The following RIC3 variants were observed in gnomAD, a reference collection of about 807,000 sequenced individuals.
RIC3 encodes the protein RIC3 acetylcholine receptor chaperone, also known as protein RIC-3.
RIC3 carries 28 observed loss-of-function variants against 27.3 expected under a neutral mutation model. The observed-to-expected ratio is 1.02, with a 90% CI of 0.76 to 1.41. The LOEUF (loss-of-function observed/expected upper bound fraction) is 1.41, where lower values mean the gene tolerates loss of function less well. RIC3 is among the 40% of genes most tolerant of loss of function. The pLI is 0.00. For missense variants in RIC3, 501 were observed against 444.7 expected, an observed-to-expected ratio of 1.13 and a Z score of -1.14; for synonymous variants, 184 against 160.4, an observed-to-expected ratio of 1.15 and a Z score of -1.11.
intron 4 of RIC3, among the ~76,000 whole-genome samples, chr11:8,134,609 T>C (rs556128584): frequency 3.3e-5 from 5 of 152,284 alleles, no homozygotes; most frequent in South Asian, 4.1e-4. Context: ...TATAGTCCCA[T>C]CAACAGTGTA....
downstream of RIC3, chr11:8,104,927 G>A (rs527779758): frequency 1.5e-4 from 21 of 144,110 alleles, no homozygotes; most frequent in Non-Finnish European, 2.6e-4. Flanking sequence ...GAAGCAGAAG[G>A]TTGTTTTTTT....
chr11:8,095,595 A>AGGGGAGACGGCAGCTGGTG, the RIC3 span: 1 of 1,612,768 alleles, frequency 6.2e-7, no homozygotes, highest in Middle Eastern at 1.6e-4. Flanking sequence ...CCCAGGACGC[A>AGGGGAGACGGCAGCTGGTG]GGGGAGACGG....
intron 4 of RIC3, among the ~76,000 whole-genome samples, chr11:8,136,193 T>C (rs1360785634): frequency 6.6e-6 from 1 of 152,104 alleles, no homozygotes; most frequent in African/African-American, 2.4e-5. Context: ...AATCTGAGGA[T>C]ACCCACTCTC....
the RIC3 span, chr11:8,095,623 C>T: frequency 2.4e-5 from 38 of 1,610,160 alleles, no homozygotes; most frequent in Middle Eastern, 1.6e-4. Flanking sequence ...TGGGGGCGAA[C>T]GGCCCAGCGG....
At position 8,139,978 on chromosome 11, in the gene RIC3, T is replaced by C. The variant is rs1203768033; in HGVS notation, c.340A>G (p.Ile114Val). Residue 114 changes from isoleucine (I) to valine (V), a missense_variant, in exon 2 of 6, where the codon ATT becomes GTT. Transcript: ENST00000309737. The part of the protein sequence containing the change: ...GFGIFLYILY[I>V]LFKLSKGKTT... Reference sequence around the variant, plus strand: ...ATGATTCTACTTACCTTAAATAGAATGTACAGTATATATAAAAAAATCCCA... The same window carrying C: ...ATGATTCTACTTACCTTAAATAGAACGTACAGTATATATAAAAAAATCCCA... 1.2e-6 allele frequency: 2 copies of C among 1,613,232 alleles called. No individual in the cohort carries two copies. The highest frequency in any genetic ancestry group is 1.7e-6 in the Non-Finnish European group (2 of 1,179,448).
chr11:8,137,973 C>A (rs1948610744), intron 3 of RIC3, among the ~76,000 whole-genome samples: 1 of 152,212 alleles, frequency 6.6e-6, no homozygotes, highest in Non-Finnish European at 1.5e-5. Context: ...GATATGATTT[C>A]TCTGCCTCCA....
At chr11:8,112,981 A>G (rs1268997231) in intron 5 of RIC3, among the ~76,000 whole-genome samples, 1 of 152,250 alleles carries the variant, frequency 6.6e-6, no homozygotes, top group African/African-American at 2.4e-5. Flanking sequence ...AGAGTGGTAT[A>G]AATTTTCAAT....
rs892129989 is a variant in RIC3 at position 8,111,061 on chromosome 11, A to G, written c.747T>C (p.Asp249=). The part of the protein sequence containing the change: ...IKRRQETILV[D]YPDPKELSAE... ...CAGAAAGTTCTTTTGGGTCAGGGTAATCCACCAAGATTGTTTCTTGCCTAC... is the reference window on the plus strand; with the variant it reads ...CAGAAAGTTCTTTTGGGTCAGGGTAGTCCACCAAGATTGTTTCTTGCCTAC... Residue 249 remains aspartate (D), a synonymous_variant, in exon 6 of 6, where the codon GAT becomes GAC. Coordinates refer to ENST00000309737, the MANE Select transcript of RIC3 (RefSeq NM_001206671.4). The G allele has an allele frequency of 6.2e-7, 1 of 1,614,044 alleles. No homozygotes were observed. The highest frequency in any genetic ancestry group is 1.3e-5 in the African/African-American group (1 of 74,904).
intron 1 of RIC3, 117 bp from the exon 2 acceptor site, chr11:8,140,310 G>T: frequency 4.4e-6 from 4 of 904,524 alleles, no homozygotes; most frequent in Non-Finnish European, 6.6e-6. Context: ...AGAAAAAAAT[G>T]GCAACTTAAT....
the RIC3 span, chr11:8,101,021 T>C: frequency 1.2e-6 from 2 of 1,613,670 alleles, no homozygotes; most frequent in South Asian, 1.1e-5. Context: ...TCCCTACTCA[T>C]TATGGTCCGT....
intron 4 of RIC3, among the ~76,000 whole-genome samples, chr11:8,131,573 T>C (rs1048748167): frequency 2.0e-5 from 3 of 152,118 alleles, no homozygotes; most frequent in Non-Finnish European, 4.4e-5. Flanking sequence ...CATGATTTCC[T>C]CTTCTACCAC....
chr11:8,101,480 C>T (rs772662118), downstream of RIC3: 3 of 1,614,134 alleles, frequency 1.9e-6, no homozygotes, highest in Admixed American at 3.3e-5. Context: ...CTGTGCTTGG[C>T]CCCAGCGGAC....
chr11:8,168,936 A>G lies in RIC3; in HGVS notation c.54T>C (p.Ala18=), dbSNP rs757216744. 3.7e-6 allele frequency: 6 copies of G among 1,610,384 alleles called. No homozygotes were observed. The South Asian group carries it at 6.6e-5, about 18-fold the overall frequency. The change falls in exon 1 of 6, where the codon GCT becomes GCC. Residue 18 remains alanine, a synonymous_variant. Coordinates refer to ENST00000309737, the MANE Select transcript of RIC3 (RefSeq NM_001206671.4). ...RVALASGLVL[A]LSLLLPKAFL... ...AGGCCTTGGGCAGCAGCAGCGACAG[A>G]GCCAGGACAAGCCCAGAAGCCAGAG...
At chr11:8,148,737 T>C (rs1949955310) in intron 1 of RIC3, among the ~76,000 whole-genome samples, 1 of 152,068 alleles carries the variant, frequency 6.6e-6, no homozygotes, top group Non-Finnish European at 1.5e-5. Context: ...GAAACAATAG[T>C]TCCCACATGG....
intron 1 of RIC3, among the ~76,000 whole-genome samples, chr11:8,150,345 A>C (rs1307988593): frequency 6.6e-6 from 1 of 152,248 alleles, no homozygotes; most frequent in Non-Finnish European, 1.5e-5. Context: ...AGTGCCATTT[A>C]ACACTGAACA....
At chr11:8,146,600 AG>A (rs1423563411) in intron 1 of RIC3, among the ~76,000 whole-genome samples, 4 of 152,334 alleles carry the variant, frequency 2.6e-5, no homozygotes, top group African/African-American at 7.2e-5. Context: ...CACAGCCCTC[AG>A]GAGGTCCTGA....
At chr11:8,154,147 T>C (rs946812454) in intron 1 of RIC3, among the ~76,000 whole-genome samples, 5 of 152,300 alleles carry the variant, frequency 3.3e-5, no homozygotes, top group African/African-American at 7.2e-5. Context: ...GCCAGGTATA[T>C]AAAAGTATAC....
At chr11:8,098,298 C>T in the RIC3 span, among the ~76,000 whole-genome samples, 1 of 152,152 alleles carries the variant, frequency 6.6e-6, no homozygotes, top group Admixed American at 6.5e-5. Flanking sequence ...GAACTGAGTA[C>T]CAGATTTGGG....
intron 1 of RIC3, among the ~76,000 whole-genome samples, chr11:8,148,262 A>AAAG (rs57422019): frequency 0.17 from 26,223 of 152,046 alleles, 3,037 homozygotes; most frequent in African/African-American, 0.33. Context: ...TTAGACAGTA[A>AAAG]AAGGAAATCA....
Sources: allele counts gnomAD v4.1 joint callset (sites outside exome capture counted in the v4.1 genomes callset), GRCh38; gene constraint gnomAD v4.1.1; transcripts MANE v1.5; gene names NCBI Gene and HGNC (gene_info 2026-07-23, HGNC 2026-07-21).